The following SHC4 variants were observed in gnomAD, a reference collection of about 807,000 sequenced individuals.
SHC4 encodes SHC-transforming protein 4.
SHC4 carries 41 observed loss-of-function variants against 69.4 expected under a neutral mutation model. The ratio of observed to expected loss-of-function variants is 0.59; its 90% CI spans 0.46 to 0.77. SHC4 has a LOEUF of 0.77. Among genes scored for constraint, SHC4 ranks in the 30% least tolerant of loss-of-function variants. SHC4 has a pLI of 0.00. For synonymous variants in SHC4, 318 were observed against 299.3 expected, an observed-to-expected ratio of 1.06 and a Z score of -0.64; for missense variants, 777 against 783.8, an observed-to-expected ratio of 0.99 and a Z score of 0.10.
chr15:48,840,952 C>T (rs996164908), intron 10 of SHC4, among the ~76,000 whole-genome samples: 9 of 152,200 alleles, frequency 5.9e-5, no homozygotes, highest in Admixed American at 6.5e-5. Context: ...AGAGAAAATA[C>T]ATTTTGACAT....
intron 5 of SHC4, among the ~76,000 whole-genome samples, chr15:48,871,476 T>C (rs1899676668): frequency 6.6e-6 from 1 of 152,178 alleles, no homozygotes; most frequent in Non-Finnish European, 1.5e-5. Context: ...CCAGAAATGG[T>C]GCAGTAGGGA....
chr15:48,944,227 G>T (rs1423533714), intron 1 of SHC4, among the ~76,000 whole-genome samples: 1 of 151,944 alleles, frequency 6.6e-6, no homozygotes, highest in Non-Finnish European at 1.5e-5. Context: ...TGAGAGCCTA[G>T]GTGGCCAGGG....
Position 48,843,497 on chromosome 15 carries a change from G to A in SHC4, c.1395C>T (p.Tyr465=), listed in dbSNP as rs1311773968. 4 of 1,614,002 alleles carry A rather than the reference G, an allele frequency of 2.5e-6. No individual in the cohort carries two copies. The highest frequency in any genetic ancestry group is 3.4e-6 in the Non-Finnish European group (4 of 1,180,004). ...CRVDLFDDPC[Y]INTQALQSTP... ...TACTTTGAAGAGCCTGTGTATTAATGTAGCAGGGGTCATCAAAGAGATCCA... is the reference window on the plus strand; with the variant it reads ...TACTTTGAAGAGCCTGTGTATTAATATAGCAGGGGTCATCAAAGAGATCCA... The change falls in exon 10 of 12, where the codon TAC becomes TAT. Residue 465 remains tyrosine (Y), a synonymous_variant. Transcript: ENST00000332408.
chr15:48,905,370 C>T (rs1900389818), intron 2 of SHC4, among the ~76,000 whole-genome samples: 1 of 152,184 alleles, frequency 6.6e-6, no homozygotes, highest in Non-Finnish European at 1.5e-5. Flanking sequence ...GAAACCAATC[C>T]CTTCCAGGCC....
At chr15:48,900,595 T>C (rs1595750489) in intron 2 of SHC4, among the ~76,000 whole-genome samples, 1 of 152,184 alleles carries the variant, frequency 6.6e-6, no homozygotes, top group East Asian at 1.9e-4. Flanking sequence ...ACATCACCCT[T>C]TGCACACACA....
At chr15:48,922,684 A>G (rs1325603371) in intron 2 of SHC4, among the ~76,000 whole-genome samples, 1 of 152,254 alleles carries the variant, frequency 6.6e-6, no homozygotes, top group Non-Finnish European at 1.5e-5. Flanking sequence ...ACATATTCAG[A>G]CCATAGCTCT....
chr15:48,909,205 G>A (rs184580449), intron 2 of SHC4, among the ~76,000 whole-genome samples: 2 of 151,804 alleles, frequency 1.3e-5, no homozygotes, highest in African/African-American at 4.8e-5. Flanking sequence ...CCATTTGTTT[G>A]TGTCATCTAT....
chr15:48,864,741 C>A (rs1899525248), intron 6 of SHC4, among the ~76,000 whole-genome samples: 2 of 152,112 alleles, frequency 1.3e-5, no homozygotes. Context: ...GCCACCGCGC[C>A]CGGCCTCCAA....
At chr15:48,868,654 A>G (rs1219951123) in intron 5 of SHC4, among the ~76,000 whole-genome samples, 2 of 152,206 alleles carry the variant, frequency 1.3e-5, no homozygotes, top group Non-Finnish European at 2.9e-5. Context: ...GATTAGAAGT[A>G]TGACTCTCTA....
intron 1 of SHC4, among the ~76,000 whole-genome samples, chr15:48,937,061 A>G (rs900352985): frequency 1.3e-5 from 2 of 152,208 alleles, no homozygotes; most frequent in African/African-American, 2.4e-5. Context: ...GGGAGCCACA[A>G]ATGGCTCTTT....
chr15:48,880,648 T>C (rs139296459), intron 4 of SHC4, among the ~76,000 whole-genome samples: 280 of 152,304 alleles, frequency 1.8e-3, no homozygotes, highest in African/African-American at 6.4e-3. Flanking sequence ...AAGGCCCATC[T>C]TGGGGAGAAA....
At chr15:48,917,786 G>T (rs1900655676) in intron 2 of SHC4, among the ~76,000 whole-genome samples, 1 of 5,954 alleles carries the variant, frequency 1.7e-4, no homozygotes, top group African/African-American at 1.8e-4. Context: ...ATTTTCCTCT[G>T]CTCTATCTGA....
At chr15:48,898,113 A>G (rs946021824) in intron 2 of SHC4, among the ~76,000 whole-genome samples, 6 of 152,234 alleles carry the variant, frequency 3.9e-5, no homozygotes, top group African/African-American at 7.2e-5. Flanking sequence ...TAGGGAAACC[A>G]GTACCATCTT....
At chr15:48,913,573 A>C (rs1900552352) in intron 2 of SHC4, among the ~76,000 whole-genome samples, 1 of 152,074 alleles carries the variant, frequency 6.6e-6, no homozygotes, top group Non-Finnish European at 1.5e-5. Flanking sequence ...CTACATGTGG[A>C]GTCTGAGCAC....
intron 4 of SHC4, chr15:48,877,819 A>AG (rs914275856): frequency 1.3e-4 from 23 of 183,366 alleles, no homozygotes; most frequent in African/African-American, 3.5e-4. Flanking sequence ...GGGAAGAGGA[A>AG]GGGGGGGAAG....
chr15:48,832,725 A>C (rs544227001), intron 11 of SHC4, among the ~76,000 whole-genome samples: 1 of 152,104 alleles, frequency 6.6e-6, no homozygotes, highest in South Asian at 2.1e-4. Context: ...GGCTTTCTTC[A>C]CTTTTTAAAA....
chr15:48,846,156 G>A (rs1024315806), intron 9 of SHC4, among the ~76,000 whole-genome samples: 4 of 152,048 alleles, frequency 2.6e-5, no homozygotes, highest in African/African-American at 9.7e-5. Flanking sequence ...GAGCTACCGG[G>A]CCTGGCTAGA....
intron 2 of SHC4, among the ~76,000 whole-genome samples, chr15:48,913,561 C>G (rs1171583538): frequency 6.6e-6 from 1 of 152,172 alleles, no homozygotes; most frequent in African/African-American, 2.4e-5. Flanking sequence ...TTGGTTCTTT[C>G]CCTACATGTG....
intron 4 of SHC4, among the ~76,000 whole-genome samples, chr15:48,882,225 A>G (rs774618012): frequency 1.1e-4 from 17 of 152,106 alleles, no homozygotes; most frequent in African/African-American, 3.9e-4. Flanking sequence ...AGGCCTCTAC[A>G]GTGGCACATC....
Sources: gnomAD v4.1 joint callset for allele counts (sites outside exome capture counted in the v4.1 genomes callset) on GRCh38, gnomAD v4.1.1 for gene constraint, MANE v1.5 for transcripts, NCBI Gene and HGNC (gene_info 2026-07-23, HGNC 2026-07-21) for gene names.